The following MIOX variants were observed in gnomAD, a reference collection of about 807,000 sequenced individuals.
MIOX encodes the protein inositol oxygenase.
In MIOX, 51 loss-of-function variants were observed where a neutral mutation model predicts 42.7. The observed-to-expected ratio is 1.19, with a 90% CI of 0.95 to 1.51. The LOEUF (loss-of-function observed/expected upper bound fraction) is 1.51. Among genes scored for constraint, MIOX ranks in the 40% most tolerant of loss-of-function variants. MIOX has a pLI of 0.00. For synonymous variants in MIOX, 168 were observed against 154.4 expected (o/e 1.09, Z -0.65); for missense variants, 395 against 381.3 (o/e 1.04, Z -0.30).
rs529413773 is a variant in MIOX at position 50,488,065 on chromosome 22, C to T, written c.340+17C>T. 239 of 1,612,798 alleles carry T rather than the reference C, an allele frequency of 1.5e-4. No individual in the cohort carries two copies. Among genetic ancestry groups the T allele is most frequent in the Admixed American group, 4.5e-4 (27 of 59,988 alleles). ...CAGACAAGGGTGAGCCCTGGCTGTG[C>T]TGCAGGGGGGCAGGTGCTGCCTCCA... On this transcript the variant is annotated intron_variant, in intron 4 of 9. Coordinates refer to ENST00000216075, the MANE Select transcript of MIOX (RefSeq NM_017584.6).
Position 50,489,734 on chromosome 22 carries a change from C to A in MIOX, c.750-14C>A. 1 of 1,611,130 alleles carries A rather than the reference C, an allele frequency of 6.2e-7. No individual in the cohort carries two copies. The highest frequency in any genetic ancestry group is 1.1e-5 in the South Asian group (1 of 91,052). The stretch of plus-strand genomic sequence containing the variant: ...GGGGTTCTTCACGGGGCTCACCGCC[C>A]CTCCCTGCTGCAGCAAGTTCGACCT... On this transcript the variant is annotated splice_polypyrimidine_tract_variant and intron_variant, in intron 9 of 9. Coordinates refer to ENST00000216075, the MANE Select transcript of MIOX (RefSeq NM_017584.6).
At chr22:50,488,805 C>G (rs562670194) in intron 5 of MIOX, among the ~76,000 whole-genome samples, 1 of 97,946 alleles carries the variant, frequency 1.0e-5, no homozygotes, top group South Asian at 4.4e-4. Context: ...CTGTCCCTCC[C>G]GTCCCTCCCA....
In MIOX at chr22:50,489,597, G is replaced by A. The variant is rs2232885; in HGVS notation, c.702G>A (p.Leu234=). Residue 234 remains leucine (L), a synonymous_variant, in exon 9 of 10, where the codon CTG becomes CTA. Transcript: ENST00000216075. ...ACACGGGCCGCGACTACCAGCAGCTGTGCAGCCAGCAGGACCTGGCCATGC... is the reference window on the plus strand; with the variant it reads ...ACACGGGCCGCGACTACCAGCAGCTATGCAGCCAGCAGGACCTGGCCATGC... ...PWHTGRDYQQ[L]CSQQDLAMLP... 0.21 allele frequency: 345,619 copies of A among 1,612,162 alleles called. 38,051 individuals carry two copies. The highest frequency in any genetic ancestry group is 0.33 in the East Asian group (14,851 of 44,826).
intron 5 of MIOX, among the ~76,000 whole-genome samples, chr22:50,488,796 T>TGTCCCTCCC (rs1306281324): frequency 2.6e-5 from 1 of 39,072 alleles, no homozygotes; most frequent in Non-Finnish European, 4.4e-5. Context: ...CCGTCCCTCC[T>TGTCCCTCCC]GTCCCTCCCG....
rs771481202 is a variant in MIOX at position 50,489,686 on chromosome 22, GA to G, written c.749+43del. 63 of 1,591,098 alleles carry G rather than the reference GA, an allele frequency of 4.0e-5. No individual in the cohort carries two copies. In the African/African-American group the frequency reaches 7.5e-4, roughly 19 times the overall value. On this transcript the variant is annotated intron_variant, in intron 9 of 9. Coordinates refer to ENST00000216075, the MANE Select transcript of MIOX (RefSeq NM_017584.6). ...GCCGAGGGGTGTTGTGGGAGTGAAAGAGGGGGTTGGGTGGGGGGCCTGGGGG... is the reference window on the plus strand; with the variant it reads ...GCCGAGGGGTGTTGTGGGAGTGAAAGGGGGGTTGGGTGGGGGGCCTGGGGG...
intron 1 of MIOX, 148 bp from the exon 2 acceptor site, chr22:50,487,237 A>G: frequency 1.4e-6 from 1 of 702,774 alleles, no homozygotes; most frequent in Non-Finnish European, 2.4e-6. Flanking sequence ...GGCTGGGATG[A>G]TGGCGTGGGA....
intron 1 of MIOX, among the ~76,000 whole-genome samples, chr22:50,487,145 G>A (rs2068279244): frequency 6.6e-6 from 1 of 152,214 alleles, no homozygotes; most frequent in Admixed American, 6.5e-5. Flanking sequence ...CTGTACCCCG[G>A]AAGCAGACGT....
chr22:50,487,490 C>T (rs768814045), intron 2 of MIOX, 25 bp downstream of exon 2: 4 of 1,608,632 alleles, frequency 2.5e-6, no homozygotes, highest in Non-Finnish European at 2.6e-6. Context: ...GTCCTGCCCC[C>T]CTTCTCCCCC....
At chr22:50,488,253 G>T (rs1258715692) in intron 4 of MIOX, 22 bp from the exon 5 acceptor site, 2 of 1,613,506 alleles carry the variant, frequency 1.2e-6, no homozygotes, top group Non-Finnish European at 1.7e-6. Context: ...TCCCCAACCT[G>T]CCCTGTCCAT....
At chr22:50,487,049 C>A in intron 1 of MIOX, 137 bp downstream of exon 1, 2 of 1,158,756 alleles carry the variant, frequency 1.7e-6, no homozygotes, top group Non-Finnish European at 2.5e-6. Context: ...CTGCCGACCC[C>A]CAGGCTCCCT....
At chr22:50,488,404 C>A in intron 5 of MIOX, 62 bp downstream of exon 5, 7 of 1,413,812 alleles carry the variant, frequency 5.0e-6, no homozygotes, top group Non-Finnish European at 6.8e-6. Flanking sequence ...GGTGGAGTGG[C>A]CTTGGTGCTT....
At chr22:50,487,848 C>A in intron 3 of MIOX, 38 bp from the exon 4 acceptor site, 7 of 1,612,342 alleles carry the variant, frequency 4.3e-6, no homozygotes, top group Non-Finnish European at 5.9e-6. Context: ...GGTGGGCCTG[C>A]TGACCCTGGG....
At chr22:50,488,105 G>A in intron 4 of MIOX, 57 bp downstream of exon 4, 1 of 1,606,616 alleles carries the variant, frequency 6.2e-7, no homozygotes, top group South Asian at 1.1e-5. Context: ...GCAGAATGCA[G>A]CAGCCTGTAG....
Position 50,486,889 on chromosome 22 carries a change from C to A in MIOX, c.-9C>A. On this transcript the variant is annotated 5_prime_UTR_variant, in exon 1 of 10. Coordinates refer to ENST00000216075, the MANE Select transcript of MIOX (RefSeq NM_017584.6). ...GTGCTTTGCCACCTGAGCGCCGCTC[C>A]CTCTCAGGATGAAGGTGACGGTGGT... 6.2e-7 allele frequency: 1 copy of A among 1,613,934 alleles called. No individual in the cohort carries two copies. The highest frequency in any genetic ancestry group is 8.5e-7 in the Non-Finnish European group (1 of 1,179,978).
At chr22:50,487,004 C>T (rs985409810) in intron 1 of MIOX, 92 bp downstream of exon 1, 4 of 1,194,708 alleles carry the variant, frequency 3.3e-6, no homozygotes, top group South Asian at 4.6e-5. Flanking sequence ...ACTGGCCAGC[C>T]CTCCTCCTCC....
chr22:50,488,351 TG>T lies in MIOX; in HGVS notation c.408+11del. Reference sequence around the variant, plus strand: ...TGTTCGGGGAGCCCCAGGTAAGAGTTGGAAGTGGAGGGTGAGGAGGCTGCAT... The same window carrying T: ...TGTTCGGGGAGCCCCAGGTAAGAGTTGAAGTGGAGGGTGAGGAGGCTGCAT... On this transcript the variant is annotated intron_variant, in intron 5 of 9. Coordinates refer to ENST00000216075, the MANE Select transcript of MIOX (RefSeq NM_017584.6). 6.3e-7 allele frequency: 1 copy of T among 1,591,712 alleles called. No homozygotes were observed. The highest frequency in any genetic ancestry group is 1.1e-5 in the South Asian group (1 of 87,936).
In MIOX at chr22:50,489,458, G is replaced by A; in HGVS notation, c.636+12G>A. 1 of 1,608,282 alleles carries A rather than the reference G, an allele frequency of 6.2e-7. No individual in the cohort carries two copies. Among genetic ancestry groups the A allele is most frequent in the South Asian group, 1.1e-5 (1 of 90,756 alleles). Reference sequence around the variant, plus strand: ...CACTGCCCCCTGAGGTAGGTGGGGGGAGGGGCAACGCAGCCCGTCCACCAG... The same window carrying A: ...CACTGCCCCCTGAGGTAGGTGGGGGAAGGGGCAACGCAGCCCGTCCACCAG... On this transcript the variant is annotated intron_variant, in intron 8 of 9. Transcript: ENST00000216075.
At chr22:50,487,056 C>T in intron 1 of MIOX, 144 bp downstream of exon 1, 1 of 1,093,602 alleles carries the variant, frequency 9.1e-7, no homozygotes, top group Non-Finnish European at 1.3e-6. Context: ...CCCCCAGGCT[C>T]CCTGTGGACT....
chr22:50,488,067 G>C lies in MIOX; in HGVS notation c.340+19G>C. 1 of 1,612,672 alleles carries C rather than the reference G, an allele frequency of 6.2e-7. No individual in the cohort carries two copies. ...GACAAGGGTGAGCCCTGGCTGTGCTGCAGGGGGGCAGGTGCTGCCTCCAAG... is the reference window on the plus strand; with the variant it reads ...GACAAGGGTGAGCCCTGGCTGTGCTCCAGGGGGGCAGGTGCTGCCTCCAAG... On this transcript the variant is annotated intron_variant, in intron 4 of 9. Coordinates refer to ENST00000216075, the MANE Select transcript of MIOX (RefSeq NM_017584.6).
Sources: allele counts gnomAD v4.1 joint callset (sites outside exome capture counted in the v4.1 genomes callset), GRCh38; gene constraint gnomAD v4.1.1; transcripts MANE v1.5; gene names NCBI Gene and HGNC (gene_info 2026-07-23, HGNC 2026-07-21).